KLHL3: variants seen among roughly 807,000 people sequenced by gnomAD.
The protein encoded by KLHL3 is kelch like family member 3.
In KLHL3, 19 loss-of-function variants were observed where a neutral mutation model predicts 70.5. That is an observed-to-expected ratio of 0.27 (90% confidence interval 0.19 to 0.40). KLHL3 has a LOEUF of 0.40. Among genes scored for constraint, KLHL3 ranks in the 10% least tolerant of loss-of-function variants. KLHL3 has a pLI of 1.00. For missense variants in KLHL3, 512 were observed against 771.1 expected (o/e 0.66, Z 3.98); for synonymous variants, 258 against 290.3 (o/e 0.89, Z 1.13).
At chr5:137,676,008 G>A (rs1024010122) in intron 6 of KLHL3, among the ~76,000 whole-genome samples, 6 of 152,154 alleles carry the variant, frequency 3.9e-5, no homozygotes, top group Non-Finnish European at 7.3e-5. Context: ...AACGTGCTTG[G>A]TAAGAAGGAA....
chr5:137,735,553 C>T, intron 1 of KLHL3, 80 bp downstream of exon 1: 1 of 1,147,524 alleles, frequency 8.7e-7, no homozygotes, highest in Non-Finnish European at 1.3e-6. Flanking sequence ...CCAATGCAAA[C>T]ACAAAAGCTG....
chr5:137,704,467 G>A (rs993261082), intron 3 of KLHL3, among the ~76,000 whole-genome samples: 3 of 151,860 alleles, frequency 2.0e-5, no homozygotes. Context: ...ATCTCCCAGT[G>A]CAAGGCGGCA....
chr5:137,724,878 A>T (rs1753062519), intron 1 of KLHL3, among the ~76,000 whole-genome samples: 1 of 152,226 alleles, frequency 6.6e-6, no homozygotes, highest in Non-Finnish European at 1.5e-5. Flanking sequence ...TAAGTGGTAG[A>T]GATGGGATCT....
intron 12 of KLHL3, among the ~76,000 whole-genome samples, chr5:137,633,761 T>C (rs980761374): frequency 2.0e-5 from 3 of 152,106 alleles, no homozygotes; most frequent in Non-Finnish European, 4.4e-5. Flanking sequence ...GGCTAAATAA[T>C]GGGTATACAT....
intron 2 of KLHL3, 54 bp downstream of exon 2, chr5:137,720,411 G>A: frequency 6.2e-7 from 1 of 1,606,758 alleles, no homozygotes; most frequent in African/African-American, 1.3e-5. Context: ...AGTCCTTGAT[G>A]AAGCTCATGG....
intron 6 of KLHL3, among the ~76,000 whole-genome samples, chr5:137,664,849 G>A (rs1331043132): frequency 6.6e-6 from 1 of 151,970 alleles, no homozygotes; most frequent in Non-Finnish European, 1.5e-5. Context: ...GTTGTTGGAT[G>A]GGGAAAGAGT....
At chr5:137,694,531 G>A (rs1752399453) in intron 4 of KLHL3, among the ~76,000 whole-genome samples, 1 of 152,106 alleles carries the variant, frequency 6.6e-6, no homozygotes, top group East Asian at 1.9e-4. Context: ...ACAGATTCCA[G>A]GACCAGATTA....
chr5:137,625,408 GC>G (rs1441548601), intron 14 of KLHL3, among the ~76,000 whole-genome samples: 2 of 152,166 alleles, frequency 1.3e-5, no homozygotes, highest in African/African-American at 2.4e-5. Context: ...TAGGAGCCTG[GC>G]ACAAAGTAAA....
In KLHL3 at chr5:137,694,708, G is replaced by T. The variant is rs116023238; in HGVS notation, c.364-2261C>A. ...AGGCCATAGGTTGACCAATCATGCT[G>T]ATTTACCTGGGACTTTGCCATTTTT... is the stretch of plus-strand genomic sequence containing the variant. On this transcript the variant is annotated intron_variant, in intron 4 of 14. Coordinates refer to ENST00000309755, the MANE Select transcript of KLHL3 (RefSeq NM_017415.3). Among the ~76,000 whole-genome samples the T allele has an allele frequency of 6.4e-3, 979 of 152,278 alleles. 7 individuals carry two copies. Among genetic ancestry groups the T allele is most frequent in the Middle Eastern group, 0.031 (9 of 294 alleles).
At chr5:137,712,632 T>C (rs966992925) in intron 2 of KLHL3, among the ~76,000 whole-genome samples, 2 of 152,198 alleles carry the variant, frequency 1.3e-5, no homozygotes, top group African/African-American at 4.8e-5. Context: ...CCTGGGATCC[T>C]ATGGGATCCT....
In KLHL3 at chr5:137,685,461, A is replaced by C. The variant is rs183677554; in HGVS notation, c.526+6824T>G. On this transcript the variant is annotated intron_variant, in intron 5 of 14. Coordinates refer to ENST00000309755, the MANE Select transcript of KLHL3 (RefSeq NM_017415.3). ...GTGCTTTCTGTTGTGTAAGTTAAAA[A>C]GCATAATATATAAATTCTGTAAGGA... Among the ~76,000 whole-genome samples, 62 of 152,386 alleles carry C rather than the reference A, an allele frequency of 4.1e-4. No homozygotes were observed. The East Asian group carries it at 6.9e-3, about 17-fold the overall frequency.
At chr5:137,647,678 C>T (rs367767951) in intron 8 of KLHL3, 6 of 444,220 alleles carry the variant, frequency 1.4e-5, no homozygotes, top group Admixed American at 4.9e-5. Context: ...TGGAGCATGT[C>T]GAGGTCGAGC....
At chr5:137,711,751 G>A (rs187480692) in intron 2 of KLHL3, among the ~76,000 whole-genome samples, 6 of 152,146 alleles carry the variant, frequency 3.9e-5, no homozygotes, top group Non-Finnish European at 5.9e-5. Flanking sequence ...TATCATGGGG[G>A]CCAAATGGGA....
At chr5:137,638,564 T>A (rs886274378) in intron 10 of KLHL3, among the ~76,000 whole-genome samples, 1 of 152,202 alleles carries the variant, frequency 6.6e-6, no homozygotes, top group African/African-American at 2.4e-5. Context: ...GCCCACTGCA[T>A]GACCTGAGCC....
chr5:137,716,787 T>C (rs987611321), intron 2 of KLHL3, among the ~76,000 whole-genome samples: 3 of 152,118 alleles, frequency 2.0e-5, no homozygotes, highest in Non-Finnish European at 2.9e-5. Context: ...GGCAAAAAAG[T>C]AAGGGCAGTG....
chr5:137,723,565 T>C (rs1430705202), intron 1 of KLHL3, among the ~76,000 whole-genome samples: 4 of 152,236 alleles, frequency 2.6e-5, no homozygotes, highest in Non-Finnish European at 5.9e-5. Flanking sequence ...AAATGTAGTT[T>C]TTGCAAATTC....
At chr5:137,683,276 A>T (rs1256525187) in intron 5 of KLHL3, among the ~76,000 whole-genome samples, 1 of 151,934 alleles carries the variant, frequency 6.6e-6, no homozygotes, top group Non-Finnish European at 1.5e-5. Flanking sequence ...GATGAAATAA[A>T]CCCCATAAGC....
rs1193224593 is a variant in KLHL3 at position 137,628,291 on chromosome 5, C to A, written c.1591+6G>T. 3.7e-6 allele frequency: 6 copies of A among 1,614,036 alleles called. No homozygotes were observed. The highest frequency in any genetic ancestry group is 5.1e-6 in the Non-Finnish European group (6 of 1,179,938). ...CCAAAGGGGAGATGGAGAGAGCAGT[C>A]ATTACCTGCGTTGCGCCGGCACATG... On this transcript the variant is annotated splice_donor_region_variant and intron_variant, in intron 13 of 14. Transcript: ENST00000309755.
chr5:137,670,797 G>A (rs989493848), intron 6 of KLHL3, among the ~76,000 whole-genome samples: 12 of 151,196 alleles, frequency 7.9e-5, no homozygotes, highest in Admixed American at 5.3e-4. Flanking sequence ...ATGAAACCCC[G>A]TCTCTACTAA....
Sources: gnomAD v4.1 joint callset for allele counts (sites outside exome capture counted in the v4.1 genomes callset) on GRCh38, gnomAD v4.1.1 for gene constraint, MANE v1.5 for transcripts, NCBI Gene and HGNC (gene_info 2026-07-23, HGNC 2026-07-21) for gene names.